Variants in LRRC4C observed in about 807,000 individuals in gnomAD.
LRRC4C encodes the protein leucine rich repeat containing 4C, also known as leucine-rich repeat-containing protein 4C.
In LRRC4C, 5 loss-of-function variants were observed where a neutral mutation model predicts 33.6. The observed-to-expected ratio is 0.15, with a 90% confidence interval of 0.08 to 0.31. The LOEUF (loss-of-function observed/expected upper bound fraction) is 0.31, where lower values mean the gene tolerates loss of function less well. Ranked by LOEUF, LRRC4C falls within the 10% of genes least tolerant of loss-of-function variation. LRRC4C has a pLI of 1.00. For synonymous variants in LRRC4C, 329 were observed against 302.0 expected (o/e 1.09, Z -0.93); for missense variants, 560 against 796.7 (o/e 0.70, Z 3.58).
At chr11:41,248,037 C>T (rs189631783) in intron 1 of LRRC4C, among the ~76,000 whole-genome samples, 286 of 152,232 alleles carry the variant, frequency 1.9e-3, no homozygotes, top group Non-Finnish European at 3.1e-3. Context: ...AGAAGAATCA[C>T]TTACTTAAAG....
rs550794810 is a variant in LRRC4C, at chr11:40,244,740, T to C, written c.-175-3142A>G. Among the ~76,000 whole-genome samples the C allele has an allele frequency of 3.9e-5, 6 of 152,184 alleles. No individual in the cohort carries two copies. In the South Asian group the frequency reaches 1.2e-3, roughly 32 times the overall value. ...CAGTGGGCTAAGGGGAAGGTTTTTT[T>C]TTTGGCCCTGAAGTACACGTTATGT... On this transcript the variant is annotated intron_variant, in intron 4 of 6. Transcript: ENST00000528697.
intron 1 of LRRC4C, among the ~76,000 whole-genome samples, chr11:41,279,375 C>CAA (rs1949584126): frequency 8.7e-6 from 1 of 115,568 alleles, no homozygotes; most frequent in African/African-American, 4.1e-5. Flanking sequence ...CACATACACA[C>CAA]ACACAAACAC....
chr11:40,671,054 C>T (rs1269677175), intron 2 of LRRC4C, among the ~76,000 whole-genome samples: 1 of 152,162 alleles, frequency 6.6e-6, no homozygotes, highest in Non-Finnish European at 1.5e-5. Context: ...TGAGCCACTG[C>T]GCCTGGCCAA....
At position 40,460,925 on chromosome 11, in the gene LRRC4C, G is replaced by T. The variant is rs562687236; in HGVS notation, c.-269-141204C>A. Among the ~76,000 whole-genome samples the T allele has an allele frequency of 2.2e-3, 331 of 152,182 alleles. 1 individual carries two copies. Among genetic ancestry groups the T allele is most frequent in the African/African-American group, 7.3e-3 (305 of 41,548 alleles). ...AATGCATTTCCTTAATATATGAAAA[G>T]GATGGTAAAATAACTGTATTTCTCC... On this transcript the variant is annotated intron_variant, in intron 3 of 6. Coordinates refer to ENST00000528697, the MANE Select transcript of LRRC4C (RefSeq NM_001258419.2).
Position 40,498,216 on chromosome 11 carries a change from A to G in LRRC4C, c.-270+149926T>C, listed in dbSNP as rs556389589. On this transcript the variant is annotated intron_variant, in intron 3 of 6. Transcript: ENST00000528697. ...TGTTCCTAAAGTTGCCCCCTAAATAATATGTAGAGTTAGGCAAGTGAGTTA... is the reference window on the plus strand; with the variant it reads ...TGTTCCTAAAGTTGCCCCCTAAATAGTATGTAGAGTTAGGCAAGTGAGTTA... Among the ~76,000 whole-genome samples the G allele has an allele frequency of 1.1e-4, 17 of 152,234 alleles. No homozygotes were observed. In the South Asian group the frequency reaches 3.3e-3, roughly 30 times the overall value.
chr11:40,740,623 A>G (rs1485947866), intron 2 of LRRC4C, among the ~76,000 whole-genome samples: 1 of 152,036 alleles, frequency 6.6e-6, no homozygotes, highest in Non-Finnish European at 1.5e-5. Flanking sequence ...TGTTGTGCAG[A>G]AACGTTTTAG....
chr11:41,229,919 A>G (rs546977339), intron 1 of LRRC4C, among the ~76,000 whole-genome samples: 4 of 152,204 alleles, frequency 2.6e-5, no homozygotes, highest in African/African-American at 9.6e-5. Flanking sequence ...ATGTACAAGC[A>G]TTTCTAAAAT....
At chr11:40,331,758 A>C (rs1196065827) in intron 3 of LRRC4C, among the ~76,000 whole-genome samples, 1 of 152,132 alleles carries the variant, frequency 6.6e-6, no homozygotes, top group African/African-American at 2.4e-5. Flanking sequence ...ACCTTCAAAC[A>C]CTGGGACTTA....
intron 3 of LRRC4C, among the ~76,000 whole-genome samples, chr11:40,503,595 T>G (rs2138648763): frequency 6.6e-6 from 1 of 152,324 alleles, no homozygotes; most frequent in East Asian, 1.9e-4. Flanking sequence ...TAAAGCTTCT[T>G]AACTCGCTAT....
intron 1 of LRRC4C, among the ~76,000 whole-genome samples, chr11:40,948,470 A>C: frequency 2.8e-5 from 4 of 141,996 alleles, no homozygotes; most frequent in African/African-American, 2.6e-5. Flanking sequence ...GCACCCACTA[A>C]CTCGTCATCT....
chr11:40,612,278 A>G (rs887504098), intron 3 of LRRC4C, among the ~76,000 whole-genome samples: 1 of 151,930 alleles, frequency 6.6e-6, no homozygotes, highest in African/African-American at 2.4e-5. Context: ...AAATTGAAAT[A>G]AGCCAGTCAC....
intron 5 of LRRC4C, among the ~76,000 whole-genome samples, chr11:40,216,629 C>T (rs976933): frequency 0.81 from 123,117 of 152,074 alleles, 51,133 homozygotes; most frequent in East Asian, 0.96. Context: ...AACACAGAAC[C>T]GCAAGAAAAA....
intron 1 of LRRC4C, among the ~76,000 whole-genome samples, chr11:41,182,438 T>A (rs937027571): frequency 6.6e-6 from 1 of 152,200 alleles, no homozygotes; most frequent in Non-Finnish European, 1.5e-5. Flanking sequence ...AAAATCATTA[T>A]GTCTTCAAGT....
intron 1 of LRRC4C, among the ~76,000 whole-genome samples, chr11:41,239,252 G>A (rs1269914414): frequency 6.8e-6 from 1 of 146,824 alleles, no homozygotes. Flanking sequence ...AACCCAAGAG[G>A]CGGAGCTTGC....
rs532051538 is a variant in LRRC4C, at chr11:40,551,212, G to A, written c.-270+96930C>T. On this transcript the variant is annotated intron_variant, in intron 3 of 6. Transcript: ENST00000528697. ...AGCTATGGTTAAATGGCTAAAACAAGAATTCAGAATTTAAGAGATATGCAT... is the reference window on the plus strand; with the variant it reads ...AGCTATGGTTAAATGGCTAAAACAAAAATTCAGAATTTAAGAGATATGCAT... 2.6e-5 allele frequency among the ~76,000 whole-genome samples: 4 copies of A among 151,976 alleles called. No individual in the cohort carries two copies. The East Asian group carries it at 7.8e-4, about 29-fold the overall frequency.
chr11:41,418,010 C>G (rs867086909), intron 1 of LRRC4C, among the ~76,000 whole-genome samples: 1 of 150,494 alleles, frequency 6.6e-6, no homozygotes, highest in Admixed American at 6.7e-5. Flanking sequence ...ACACATAGAC[C>G]CCCCCACACA....
intron 1 of LRRC4C, among the ~76,000 whole-genome samples, chr11:41,451,729 A>G (rs1383467718): frequency 6.6e-6 from 1 of 152,152 alleles, no homozygotes; most frequent in African/African-American, 2.4e-5. Flanking sequence ...AACTATTTTT[A>G]TATCTGCTCT....
rs573302115 is a variant in LRRC4C, at chr11:40,548,198, G to A, written c.-270+99944C>T. ...AAGTGAGGGAATCATGTAGCATTTCGGGGACTGTTGAGGATTGTGCTTTCC... is the reference window on the plus strand; with the variant it reads ...AAGTGAGGGAATCATGTAGCATTTCAGGGACTGTTGAGGATTGTGCTTTCC... On this transcript the variant is annotated intron_variant, in intron 3 of 6. Transcript: ENST00000528697. Among the ~76,000 whole-genome samples the A allele has an allele frequency of 5.3e-5, 8 of 152,108 alleles. No homozygotes were observed. The South Asian group carries it at 6.2e-4, about 12-fold the overall frequency.
At chr11:40,340,012 A>G (rs902362366) in intron 3 of LRRC4C, among the ~76,000 whole-genome samples, 2 of 152,110 alleles carry the variant, frequency 1.3e-5, no homozygotes, top group African/African-American at 4.8e-5. Flanking sequence ...ATTCTTCCTT[A>G]TGGTGTTCTG....
Sources: allele counts gnomAD v4.1 joint callset (sites outside exome capture counted in the v4.1 genomes callset), GRCh38; gene constraint gnomAD v4.1.1; transcripts MANE v1.5; gene names NCBI Gene and HGNC (gene_info 2026-07-23, HGNC 2026-07-21).